Variants in FRS2 observed in about 807,000 individuals in gnomAD.
FRS2 encodes fibroblast growth factor receptor substrate 2.
FRS2 carries 8 observed loss-of-function variants against 43.9 expected under a neutral mutation model. The observed-to-expected ratio is 0.18, with a 90% CI of 0.11 to 0.33. The LOEUF (loss-of-function observed/expected upper bound fraction) is 0.33. FRS2 is among the 10% of genes least tolerant of loss of function. The pLI, the probability that FRS2 is intolerant of heterozygous loss-of-function variation, is 1.00. For synonymous variants in FRS2, 219 were observed against 220.3 expected (o/e 0.99, Z 0.05); for missense variants, 534 against 627.6 (o/e 0.85, Z 1.59).
At chr12:69,523,676 A>G (rs552937703) in intron 1 of FRS2, among the ~76,000 whole-genome samples, 1 of 152,172 alleles carries the variant, frequency 6.6e-6, no homozygotes, top group South Asian at 2.1e-4. Context: ...TCACTGGTCT[A>G]TGTACTTTAG....
In FRS2 at chr12:69,575,379, C is replaced by T. The variant is rs1481570447; in HGVS notation, c.*424C>T. The T allele has an allele frequency of 1.9e-5, 3 of 161,718 alleles. No homozygotes were observed. The highest frequency in any genetic ancestry group is 7.2e-5 in the African/African-American group (3 of 41,674). 10.0% of individuals were successfully genotyped at this position (161,718 alleles called of 1,614,324 possible). ...GTAATGCTCGTAGATTCAGTGTTCA[C>T]AGTATGTGGCCTCCAGCATGTAACA... is the stretch of plus-strand genomic sequence containing the variant. On this transcript the variant is annotated 3_prime_UTR_variant, in exon 9 of 9. Coordinates refer to ENST00000549921, the MANE Select transcript of FRS2 (RefSeq NM_001278356.2).
At chr12:69,492,536 C>T (rs1219272845) in intron 1 of FRS2, among the ~76,000 whole-genome samples, 2 of 152,162 alleles carry the variant, frequency 1.3e-5, no homozygotes, top group Admixed American at 6.5e-5. Flanking sequence ...GACAAAGAAC[C>T]ATCTGTATGT....
At chr12:69,526,108 C>A (rs1488599773) in intron 1 of FRS2, among the ~76,000 whole-genome samples, 1 of 152,092 alleles carries the variant, frequency 6.6e-6, no homozygotes, top group Non-Finnish European at 1.5e-5. Flanking sequence ...CTGCTGACCT[C>A]GGCCTCCCAA....
At chr12:69,516,446 G>C (rs1481035217) in intron 1 of FRS2, among the ~76,000 whole-genome samples, 1 of 151,858 alleles carries the variant, frequency 6.6e-6, no homozygotes, top group Non-Finnish European at 1.5e-5. Flanking sequence ...TTGAACTCCG[G>C]ACCTCAGGTG....
intron 1 of FRS2, among the ~76,000 whole-genome samples, chr12:69,513,372 A>G (rs550046383): frequency 6.6e-6 from 1 of 152,156 alleles, no homozygotes; most frequent in South Asian, 2.1e-4. Context: ...TCAACCCCAT[A>G]TGGTAACTGG....
chr12:69,557,622 G>GCA (rs1467196064), intron 3 of FRS2, among the ~76,000 whole-genome samples: 20 of 140,794 alleles, frequency 1.4e-4, no homozygotes, highest in South Asian at 9.8e-4. Flanking sequence ...GTGTGTGTGC[G>GCA]CGCGCGCGCG....
In FRS2 at chr12:69,578,160, A is replaced by G. The variant is rs1434285151; in HGVS notation, c.*3205A>G. Reference sequence around the variant, plus strand: ...AAGTACTTCCCAATTCCCCCGTGCTATTCCTAACCTATAATGCCCAAATGT... The same window carrying G: ...AAGTACTTCCCAATTCCCCCGTGCTGTTCCTAACCTATAATGCCCAAATGT... On this transcript the variant is annotated 3_prime_UTR_variant, in exon 9 of 9. Coordinates refer to ENST00000549921, the MANE Select transcript of FRS2 (RefSeq NM_001278356.2). 6.6e-6 allele frequency: 1 copy of G among 152,604 alleles called. No individual in the cohort carries two copies. The highest frequency in any genetic ancestry group is 6.5e-5 in the Admixed American group (1 of 15,278). The allele number at this position is 152,604 out of a possible 1,614,324, so 9.5% of individuals were successfully genotyped here. A position where few individuals can be genotyped will look rare whatever the true frequency, so the allele number is the denominator to read the frequency against.
At chr12:69,493,868 A>G (rs1447140065) in intron 1 of FRS2, among the ~76,000 whole-genome samples, 3 of 152,234 alleles carry the variant, frequency 2.0e-5, no homozygotes, top group Non-Finnish European at 4.4e-5. Context: ...TTTAATCAGG[A>G]AAATATGCTT....
At chr12:69,507,398 C>T (rs1207912242) in intron 1 of FRS2, among the ~76,000 whole-genome samples, 1 of 151,998 alleles carries the variant, frequency 6.6e-6, no homozygotes, top group Non-Finnish European at 1.5e-5. Context: ...TTATTTTAAT[C>T]TTTTTAAGCT....
chr12:69,476,230 G>A (rs1870755558), intron 1 of FRS2, among the ~76,000 whole-genome samples: 1 of 152,108 alleles, frequency 6.6e-6, no homozygotes. Flanking sequence ...ATTTAATTTT[G>A]TCAAGATTCA....
At chr12:69,515,830 CCTCT>C (rs145451143) in intron 1 of FRS2, among the ~76,000 whole-genome samples, 2,077 of 150,730 alleles carry the variant, frequency 0.014, 59 homozygotes, top group African/African-American at 0.047. Context: ...AGATCTTAAG[CCTCT>C]CTACCAGTTT....
chr12:69,522,492 T>G (rs1168500352), intron 1 of FRS2, among the ~76,000 whole-genome samples: 1 of 152,124 alleles, frequency 6.6e-6, no homozygotes, highest in Non-Finnish European at 1.5e-5. Context: ...TCTTCTCACT[T>G]CTTTTATTAG....
intron 4 of FRS2, among the ~76,000 whole-genome samples, chr12:69,566,808 A>G (rs370935086): frequency 2.0e-5 from 3 of 152,182 alleles, no homozygotes; most frequent in Admixed American, 2.0e-4. Context: ...GAGGCAGGCT[A>G]TCTTCGAGTT....
intron 1 of FRS2, among the ~76,000 whole-genome samples, chr12:69,484,458 T>G (rs1871647385): frequency 6.6e-6 from 1 of 152,312 alleles, no homozygotes; most frequent in Non-Finnish European, 1.5e-5. Flanking sequence ...ATCCTTCTCT[T>G]TAGCTTACAG....
chr12:69,569,715 G>A (rs1288240560), intron 5 of FRS2, among the ~76,000 whole-genome samples: 2 of 152,096 alleles, frequency 1.3e-5, no homozygotes, highest in African/African-American at 4.8e-5. Context: ...GTGTAGTCTA[G>A]GATTGTTATG....
chr12:69,521,013 A>G (rs1875584438), intron 1 of FRS2, among the ~76,000 whole-genome samples: 1 of 152,046 alleles, frequency 6.6e-6, no homozygotes, highest in Non-Finnish European at 1.5e-5. Context: ...TTTTAACGAT[A>G]TTGATTCTTC....
chr12:69,567,754 T>A (rs1025150683), intron 4 of FRS2, among the ~76,000 whole-genome samples: 1 of 152,134 alleles, frequency 6.6e-6, no homozygotes, highest in African/African-American at 2.4e-5. Context: ...AGGGAGCAGC[T>A]TGGAAGGATG....
intron 1 of FRS2, among the ~76,000 whole-genome samples, chr12:69,526,944 C>T (rs1876300182): frequency 6.6e-6 from 1 of 152,050 alleles, no homozygotes. Context: ...AGGATGGTCT[C>T]GATCTCCTGA....
At chr12:69,560,709 A>G (rs538567767) in intron 3 of FRS2, among the ~76,000 whole-genome samples, 2 of 152,348 alleles carry the variant, frequency 1.3e-5, no homozygotes, top group Non-Finnish European at 2.9e-5. Flanking sequence ...TTAGTTTGCT[A>G]TAGAAAAATA....
Sources: gnomAD v4.1 joint callset for allele counts (sites outside exome capture counted in the v4.1 genomes callset) on GRCh38, gnomAD v4.1.1 for gene constraint, MANE v1.5 for transcripts, NCBI Gene and HGNC (gene_info 2026-07-23, HGNC 2026-07-21) for gene names.